ATRNL1: variants seen among roughly 807,000 people sequenced by gnomAD.
ATRNL1 encodes attractin like 1, also known as attractin-like protein 1.
Under a neutral mutation model 182.7 loss-of-function variants are expected in ATRNL1, and 95 were observed. The ratio of observed to expected loss-of-function variants is 0.52; its 90% CI spans 0.44 to 0.62. ATRNL1 has a LOEUF of 0.62. ATRNL1 is among the 20% of genes least tolerant of loss of function. The pLI, the probability that ATRNL1 is intolerant of heterozygous loss-of-function variation, is 0.00. For missense variants in ATRNL1, 1,471 were observed against 1,679.5 expected (o/e 0.88, Z 2.17); for synonymous variants, 576 against 568.3 (o/e 1.01, Z -0.19).
intron 10 of ATRNL1, among the ~76,000 whole-genome samples, chr10:115,253,864 C>T (rs1438573535): frequency 1.1e-4 from 17 of 152,114 alleles, no homozygotes; most frequent in African/African-American, 4.1e-4. Flanking sequence ...CAGTTCCCAC[C>T]TATGAGTGAG....
At chr10:115,640,535 G>A (rs1859171374) in intron 26 of ATRNL1, among the ~76,000 whole-genome samples, 1 of 152,190 alleles carries the variant, frequency 6.6e-6, no homozygotes, top group South Asian at 2.1e-4. Context: ...GAGTGATGAT[G>A]AAGTTTTTTT....
At chr10:115,678,436 G>A (rs117129900) in intron 26 of ATRNL1, among the ~76,000 whole-genome samples, 2,419 of 152,102 alleles carry the variant, frequency 0.016, 58 homozygotes, top group East Asian at 0.13. Flanking sequence ...AAAAATTTAT[G>A]TGGAGTAGTT....
In ATRNL1 at chr10:115,746,799, G is replaced by A. The variant is rs376270586; in HGVS notation, c.3903+19444G>A. On this transcript the variant is annotated intron_variant, in intron 27 of 28. Transcript: ENST00000355044. The stretch of plus-strand genomic sequence containing the variant: ...GCTGCTCTAACAAAAAAGACCACAA[G>A]CAATATGAGATTCATCAAATGTGAG... Among the ~76,000 whole-genome samples, 78 of 152,198 alleles carry A rather than the reference G, an allele frequency of 5.1e-4. 2 individuals carry two copies. In the South Asian group the frequency reaches 0.016, roughly 32 times the overall value.
Position 115,862,150 on chromosome 10 carries a change from A to G in ATRNL1, c.4018+14159A>G, listed in dbSNP as rs79481560. 9.0e-3 allele frequency among the ~76,000 whole-genome samples: 1,373 copies of G among 152,274 alleles called. 19 individuals are homozygous for G. The highest frequency in any genetic ancestry group is 0.031 in the African/African-American group (1,296 of 41,546). On this transcript the variant is annotated intron_variant, in intron 28 of 28. Coordinates refer to ENST00000355044, the MANE Select transcript of ATRNL1 (RefSeq NM_207303.4). ...ATCCTTTGTTGTGGATTTTTAGATC[A>G]CAGTTGTTCTTTAAGACTGAAATTT... is the stretch of plus-strand genomic sequence containing the variant.
chr10:115,944,648 T>C lies in ATRNL1; in HGVS notation c.4019-10T>C. On this transcript the variant is annotated splice_polypyrimidine_tract_variant and intron_variant, in intron 28 of 28. Transcript: ENST00000355044. ...AGCAAGCATTTAAATGCTTTTCTCT[T>C]TCCTTCCAGGCCTTGCAATTGCCAG... 6.3e-7 allele frequency: 1 copy of C among 1,592,582 alleles called. No homozygotes were observed.
intron 26 of ATRNL1, among the ~76,000 whole-genome samples, chr10:115,632,733 G>A (rs1233320142): frequency 7.9e-5 from 12 of 152,024 alleles, no homozygotes; most frequent in Non-Finnish European, 5.9e-5. Context: ...AATTGTAGCA[G>A]GTAGAGACTG....
chr10:115,943,616 T>TG (rs1409859686), intron 28 of ATRNL1, among the ~76,000 whole-genome samples: 19 of 151,490 alleles, frequency 1.3e-4, no homozygotes, highest in Non-Finnish European at 1.5e-4. Context: ...AGTTTGGCTT[T>TG]TTTTTTTTTT....
At position 115,597,740 on chromosome 10, in the gene ATRNL1, G is replaced by T. The variant is rs1305960166; in HGVS notation, c.3795+48204G>T. On this transcript the variant is annotated intron_variant, in intron 26 of 28. Coordinates refer to ENST00000355044, the MANE Select transcript of ATRNL1 (RefSeq NM_207303.4). ...TTTTGTATTTTTTAGTAGAGATGGG[G>T]TTTCACCATGTTGGCCAGACTGGAC... The T allele has an allele frequency of 6.8e-6, 3 of 440,130 alleles. No individual in the cohort carries two copies. In the East Asian group the frequency reaches 2.2e-4, roughly 32 times the overall value. The allele number at this position is 440,130 out of a possible 1,614,324, so 27.3% of individuals were successfully genotyped here. A position where few individuals can be genotyped will look rare whatever the true frequency, so the allele number is the denominator to read the frequency against.
At chr10:115,723,228 G>A (rs1555058427) in intron 26 of ATRNL1, among the ~76,000 whole-genome samples, 2 of 152,156 alleles carry the variant, frequency 1.3e-5, no homozygotes, top group Non-Finnish European at 2.9e-5. Context: ...ATTTGAAGGT[G>A]GAGGAGAGAA....
At chr10:115,733,680 A>G (rs1555064176) in intron 27 of ATRNL1, among the ~76,000 whole-genome samples, 1 of 152,144 alleles carries the variant, frequency 6.6e-6, no homozygotes, top group Non-Finnish European at 1.5e-5. Context: ...GTCCTGCCAT[A>G]TCCATGGACA....
chr10:115,707,394 G>A (rs10787592), intron 26 of ATRNL1, among the ~76,000 whole-genome samples: 56,024 of 151,362 alleles, frequency 0.37, 11,134 homozygotes, highest in Admixed American at 0.53. Context: ...AGGTATAGAT[G>A]TGGATATCAA....
At chr10:115,103,504 G>A (rs1459570700) in intron 1 of ATRNL1, among the ~76,000 whole-genome samples, 1 of 151,120 alleles carries the variant, frequency 6.6e-6, no homozygotes, top group Non-Finnish European at 1.5e-5. Flanking sequence ...TTTTATTTTT[G>A]TGGTTACGTT....
chr10:115,528,220 A>T (rs994453398), intron 25 of ATRNL1, among the ~76,000 whole-genome samples: 94 of 65,720 alleles, frequency 1.4e-3, no homozygotes, highest in African/African-American at 7.5e-3. Context: ...GTTATTTTTT[A>T]AATGGGTAGA....
At chr10:115,466,652 T>G (rs1848065664) in intron 22 of ATRNL1, among the ~76,000 whole-genome samples, 1 of 151,134 alleles carries the variant, frequency 6.6e-6, no homozygotes, top group Non-Finnish European at 1.5e-5. Flanking sequence ...TGATCTGCTG[T>G]TTTTTTGGAG....
At chr10:115,119,207 C>G (rs1352908661) in intron 1 of ATRNL1, among the ~76,000 whole-genome samples, 2 of 152,056 alleles carry the variant, frequency 1.3e-5, no homozygotes, top group Admixed American at 6.6e-5. Context: ...TTGCAAATGA[C>G]ATTAACATTG....
intron 8 of ATRNL1, among the ~76,000 whole-genome samples, chr10:115,211,257 T>A (rs1174967254): frequency 1.3e-5 from 2 of 151,412 alleles, no homozygotes; most frequent in Admixed American, 6.6e-5. Context: ...TTTTTTTTTT[T>A]AATTTAAGAA....
chr10:115,418,592 G>A (rs567297057), intron 20 of ATRNL1, among the ~76,000 whole-genome samples: 4 of 152,192 alleles, frequency 2.6e-5, no homozygotes, highest in African/African-American at 9.6e-5. Flanking sequence ...CCCAATTATA[G>A]CAAAGTCAAA....
At chr10:115,741,603 C>G (rs2532702) in intron 27 of ATRNL1, among the ~76,000 whole-genome samples, 144,716 of 152,270 alleles carry the variant, frequency 0.95, 69,180 homozygotes, top group East Asian at 1. Context: ...GCAGCATTTT[C>G]TAGCATCAAC....
At chr10:115,822,699 T>A (rs2134287045) in intron 27 of ATRNL1, among the ~76,000 whole-genome samples, 1 of 152,322 alleles carries the variant, frequency 6.6e-6, no homozygotes, top group Non-Finnish European at 1.5e-5. Flanking sequence ...GATAAATTCC[T>A]GGACACATAC....
Sources: gnomAD v4.1 joint callset for allele counts (sites outside exome capture counted in the v4.1 genomes callset) on GRCh38, gnomAD v4.1.1 for gene constraint, MANE v1.5 for transcripts, NCBI Gene and HGNC (gene_info 2026-07-23, HGNC 2026-07-21) for gene names.